The following PCSK2 variants were observed in gnomAD, a reference collection of about 807,000 sequenced individuals.
The protein encoded by PCSK2 is proprotein convertase subtilisin/kexin type 2, also known as neuroendocrine convertase 2.
In PCSK2, 14 loss-of-function variants were observed where a neutral mutation model predicts 69.7. The observed-to-expected ratio is 0.20, with a 90% CI of 0.13 to 0.31. The LOEUF (loss-of-function observed/expected upper bound fraction) is 0.31. Ranked by LOEUF, PCSK2 falls within the 10% of genes least tolerant of loss-of-function variation. PCSK2 has a pLI of 1.00. For missense variants in PCSK2, 544 were observed against 842.5 expected, an observed-to-expected ratio of 0.65 and a Z score of 4.39; for synonymous variants, 307 against 320.7, an observed-to-expected ratio of 0.96 and a Z score of 0.46.
At chr20:17,475,266 C>T (rs1367099016) in intron 11 of PCSK2, among the ~76,000 whole-genome samples, 1 of 151,400 alleles carries the variant, frequency 6.6e-6, no homozygotes, top group African/African-American at 2.4e-5. Context: ...GGTGATTCTT[C>T]AGAGACACAA....
intron 1 of PCSK2, among the ~76,000 whole-genome samples, chr20:17,240,996 G>A (rs1016222014): frequency 5.3e-5 from 8 of 152,184 alleles, no homozygotes; most frequent in Admixed American, 1.3e-4. Flanking sequence ...TTTCCCTCAC[G>A]TATAAAATGA....
At chr20:17,389,080 T>C (rs910995353) in intron 5 of PCSK2, among the ~76,000 whole-genome samples, 1 of 152,210 alleles carries the variant, frequency 6.6e-6, no homozygotes, top group African/African-American at 2.4e-5. Flanking sequence ...TGACCCACTG[T>C]GCTTTTATTT....
intron 1 of PCSK2, among the ~76,000 whole-genome samples, chr20:17,232,324 C>A (rs762190576): frequency 2.0e-5 from 3 of 152,214 alleles, no homozygotes; most frequent in Non-Finnish European, 4.4e-5. Context: ...AGCTGCTCCA[C>A]ATTCTCACCA....
chr20:17,410,884 G>A (rs956499940), intron 6 of PCSK2, among the ~76,000 whole-genome samples: 14 of 152,178 alleles, frequency 9.2e-5, no homozygotes, highest in African/African-American at 1.7e-4. Context: ...CCAGCTCTCC[G>A]CATGAATATC....
chr20:17,309,572 C>T (rs1989434997), intron 2 of PCSK2, among the ~76,000 whole-genome samples: 1 of 152,128 alleles, frequency 6.6e-6, no homozygotes, highest in Non-Finnish European at 1.5e-5. Context: ...AATCCCAGCA[C>T]TTTGGGAGGC....
At chr20:17,244,088 A>AAC (rs1401137025) in intron 1 of PCSK2, among the ~76,000 whole-genome samples, 1 of 152,158 alleles carries the variant, frequency 6.6e-6, no homozygotes, top group Non-Finnish European at 1.5e-5. Flanking sequence ...GTTCTTAGAA[A>AAC]ACACACACAC....
intron 4 of PCSK2, among the ~76,000 whole-genome samples, chr20:17,367,655 G>A (rs1382249456): frequency 6.6e-6 from 1 of 152,146 alleles, no homozygotes; most frequent in African/African-American, 2.4e-5. Context: ...TCCCAGGTTA[G>A]TGTGCAGTGA....
At chr20:17,330,789 G>A (rs1990187063) in intron 2 of PCSK2, among the ~76,000 whole-genome samples, 1 of 152,152 alleles carries the variant, frequency 6.6e-6, no homozygotes, top group Non-Finnish European at 1.5e-5. Flanking sequence ...CCAGGCCTCA[G>A]GATGCTCTCT....
intron 2 of PCSK2, among the ~76,000 whole-genome samples, chr20:17,303,542 A>AAT (rs1302334434): frequency 1.1e-4 from 5 of 43,680 alleles, no homozygotes; most frequent in African/African-American, 2.2e-4. Context: ...TATTATATAT[A>AAT]ATATGATATA....
chr20:17,268,253 A>T (rs1987710874), intron 2 of PCSK2, among the ~76,000 whole-genome samples: 1 of 151,988 alleles, frequency 6.6e-6, no homozygotes, highest in Non-Finnish European at 1.5e-5. Context: ...AACAAGACAA[A>T]GTCCTCCTCC....
chr20:17,296,383 A>C (rs1470788113), intron 2 of PCSK2, among the ~76,000 whole-genome samples: 2 of 152,250 alleles, frequency 1.3e-5, no homozygotes, highest in Non-Finnish European at 2.9e-5. Flanking sequence ...AAGAATTACC[A>C]ACTTTTAAAG....
At chr20:17,255,200 T>C (rs1426060655) in intron 1 of PCSK2, among the ~76,000 whole-genome samples, 1 of 152,254 alleles carries the variant, frequency 6.6e-6, no homozygotes, top group African/African-American at 2.4e-5. Flanking sequence ...CAGTACACTC[T>C]TGAATGGAAG....
chr20:17,397,790 T>G (rs1308231234), intron 5 of PCSK2, among the ~76,000 whole-genome samples: 1 of 152,156 alleles, frequency 6.6e-6, no homozygotes, highest in African/African-American at 2.4e-5. Context: ...TTCAATAATA[T>G]TATGCTTAGT....
intron 2 of PCSK2, among the ~76,000 whole-genome samples, chr20:17,312,256 G>C (rs531276335): frequency 2.0e-5 from 3 of 152,162 alleles, no homozygotes. Context: ...GCAATCAGTG[G>C]GTGACATCCA....
At chr20:17,430,337 A>G (rs1025962132) in intron 7 of PCSK2, among the ~76,000 whole-genome samples, 3 of 152,168 alleles carry the variant, frequency 2.0e-5, no homozygotes, top group Non-Finnish European at 4.4e-5. Flanking sequence ...ATTGATTCTT[A>G]ATTTATTCAG....
Position 17,481,689 on chromosome 20 carries a change from G to A in PCSK2, c.1536G>A (p.Thr512=), listed in dbSNP as rs556701460. Residue 512 remains threonine (T), a synonymous_variant, in exon 12 of 12, where the codon ACG becomes ACA. Transcript: ENST00000262545. The stretch of plus-strand genomic sequence containing the variant: ...TGGAGCATGTCCAGGCTGTCATCAC[G>A]GTCAACGCAACCAGAAGAGGAGACC... ...RYLEHVQAVI[T]VNATRRGDLN... 1.1e-5 allele frequency: 17 copies of A among 1,613,988 alleles called. No individual in the cohort carries two copies. The highest frequency in any genetic ancestry group is 3.3e-5 in the South Asian group (3 of 91,086).
At chr20:17,240,291 A>G (rs746769747) in intron 1 of PCSK2, among the ~76,000 whole-genome samples, 2 of 152,094 alleles carry the variant, frequency 1.3e-5, no homozygotes, top group Admixed American at 6.5e-5. Flanking sequence ...TGAACAAAAC[A>G]TGGATCCAAT....
At chr20:17,265,847 T>A (rs907971555) in intron 2 of PCSK2, among the ~76,000 whole-genome samples, 8 of 152,148 alleles carry the variant, frequency 5.3e-5, no homozygotes, top group Non-Finnish European at 1.2e-4. Context: ...TAAAATATAA[T>A]TTTACCATTG....
At chr20:17,341,731 T>C (rs768245578) in intron 2 of PCSK2, among the ~76,000 whole-genome samples, 1 of 152,218 alleles carries the variant, frequency 6.6e-6, no homozygotes, top group Non-Finnish European at 1.5e-5. Context: ...CAGAAGCCTC[T>C]TTCAGAAAAA....
Sources: allele counts gnomAD v4.1 joint callset (sites outside exome capture counted in the v4.1 genomes callset), GRCh38; gene constraint gnomAD v4.1.1; transcripts MANE v1.5; gene names NCBI Gene and HGNC (gene_info 2026-07-23, HGNC 2026-07-21).